Variants in PARD3 observed in about 807,000 individuals in gnomAD.
PARD3 encodes partitioning defective 3 homolog.
PARD3 carries 75 observed loss-of-function variants against 155.4 expected under a neutral mutation model. The observed-to-expected ratio is 0.48, with a 90% CI of 0.40 to 0.58. The LOEUF (loss-of-function observed/expected upper bound fraction) is 0.58. Ranked by LOEUF, PARD3 falls within the 20% of genes least tolerant of loss-of-function variation. The pLI is 0.00. For missense variants in PARD3, 1,642 were observed against 1,721.7 expected, an observed-to-expected ratio of 0.95 and a Z score of 0.82; for synonymous variants, 576 against 610.5, an observed-to-expected ratio of 0.94 and a Z score of 0.83.
chr10:34,453,935 T>C (rs1589634156), intron 4 of PARD3, among the ~76,000 whole-genome samples: 1 of 152,230 alleles, frequency 6.6e-6, no homozygotes, highest in African/African-American at 2.4e-5. Flanking sequence ...TTTGAGTTCA[T>C]GGATAATAAA....
chr10:34,452,604 A>T lies in PARD3; in HGVS notation c.583-2156T>A, dbSNP rs1289283365. Reference sequence around the variant, plus strand: ...TACCCACCCCTCTGCTCCTTCCTGAATCTATGCCATTTTTCCTCTTCCCGT... The same window carrying T: ...TACCCACCCCTCTGCTCCTTCCTGATTCTATGCCATTTTTCCTCTTCCCGT... On this transcript the variant is annotated intron_variant, in intron 4 of 24. Coordinates refer to ENST00000374788, the MANE Select transcript of PARD3 (RefSeq NM_001184785.2). 2.6e-5 allele frequency among the ~76,000 whole-genome samples: 4 copies of T among 151,988 alleles called. No homozygotes were observed. In the East Asian group the frequency reaches 7.7e-4, roughly 29 times the overall value.
chr10:34,701,805 G>A (rs1450313322), intron 1 of PARD3, among the ~76,000 whole-genome samples: 1 of 152,156 alleles, frequency 6.6e-6, no homozygotes, highest in African/African-American at 2.4e-5. Flanking sequence ...GGGAGGCTAA[G>A]GTGGAGGATC....
At chr10:34,454,805 C>T (rs368068260) in intron 4 of PARD3, among the ~76,000 whole-genome samples, 23 of 152,148 alleles carry the variant, frequency 1.5e-4, no homozygotes, top group African/African-American at 4.1e-4. Flanking sequence ...ACTGCCACAG[C>T]ATCAGGTGTC....
intron 5 of PARD3, among the ~76,000 whole-genome samples, chr10:34,428,012 C>G (rs191782134): frequency 6.6e-6 from 1 of 151,946 alleles, no homozygotes; most frequent in Non-Finnish European, 1.5e-5. Flanking sequence ...GAGAGAAGGC[C>G]GGTAGACCAA....
intron 1 of PARD3, among the ~76,000 whole-genome samples, chr10:34,706,450 T>C (rs376453728): frequency 1.3e-5 from 2 of 152,112 alleles, no homozygotes; most frequent in South Asian, 2.1e-4. Context: ...ATACAGTACA[T>C]AAAGAGAAGA....
At chr10:34,511,803 G>A (rs1433792231) in intron 3 of PARD3, among the ~76,000 whole-genome samples, 1 of 152,016 alleles carries the variant, frequency 6.6e-6, no homozygotes, top group East Asian at 1.9e-4. Context: ...ACAGTTCACT[G>A]TAACCTTGAT....
intron 1 of PARD3, among the ~76,000 whole-genome samples, chr10:34,717,905 G>A (rs969874820): frequency 2.0e-5 from 3 of 152,192 alleles, no homozygotes; most frequent in African/African-American, 7.2e-5. Context: ...TGTAATCCCA[G>A]CACTCTGGGA....
chr10:34,704,971 C>A (rs979702900), intron 1 of PARD3, among the ~76,000 whole-genome samples: 1 of 152,080 alleles, frequency 6.6e-6, no homozygotes, highest in African/African-American at 2.4e-5. Flanking sequence ...AAAAAGTCAA[C>A]AAAAGAGCAC....
chr10:34,509,803 A>AC (rs1224748901), intron 3 of PARD3, among the ~76,000 whole-genome samples: 4 of 151,890 alleles, frequency 2.6e-5, no homozygotes, highest in African/African-American at 7.3e-5. Flanking sequence ...CAAAACAACA[A>AC]AAAAAAAGCA....
chr10:34,373,868 A>G (rs114337139), intron 11 of PARD3, among the ~76,000 whole-genome samples: 3,204 of 152,010 alleles, frequency 0.021, 99 homozygotes, highest in African/African-American at 0.074. Context: ...TATAGAGAAT[A>G]AAATATAGTT....
chr10:34,519,222 A>T (rs975962632), intron 2 of PARD3, among the ~76,000 whole-genome samples: 9 of 152,170 alleles, frequency 5.9e-5, no homozygotes, highest in African/African-American at 1.9e-4. Context: ...AAAGGGCATT[A>T]GTGAAAAAAT....
chr10:34,804,770 AC>A (rs1843161539), intron 1 of PARD3, among the ~76,000 whole-genome samples: 1 of 152,196 alleles, frequency 6.6e-6, no homozygotes, highest in Admixed American at 6.5e-5. Flanking sequence ...AGACATAAAA[AC>A]TTTTTTCCAA....
At chr10:34,286,072 A>G (rs987802116) in intron 20 of PARD3, among the ~76,000 whole-genome samples, 5 of 152,236 alleles carry the variant, frequency 3.3e-5, no homozygotes, top group Admixed American at 3.3e-4. Context: ...ACAAAACATT[A>G]AAAATAAAAG....
chr10:34,301,115 A>G (rs183329517), intron 20 of PARD3, among the ~76,000 whole-genome samples: 4 of 152,220 alleles, frequency 2.6e-5, no homozygotes, highest in Non-Finnish European at 4.4e-5. Context: ...GTGCCACGAA[A>G]AAAGCTCTGC....
intron 22 of PARD3, among the ~76,000 whole-genome samples, chr10:34,163,624 T>C (rs1660621): frequency 0.62 from 94,999 of 152,064 alleles, 30,981 homozygotes; most frequent in African/African-American, 0.82. Context: ...GCCTTGTGGG[T>C]CAGTCTGTTG....
intron 1 of PARD3, among the ~76,000 whole-genome samples, chr10:34,803,466 C>T (rs779507077): frequency 6.6e-6 from 1 of 152,006 alleles, no homozygotes; most frequent in Non-Finnish European, 1.5e-5. Flanking sequence ...AGTCTTAAAA[C>T]GTAAAAGACA....
intron 4 of PARD3, among the ~76,000 whole-genome samples, chr10:34,466,365 C>T (rs1167268126): frequency 1.3e-5 from 2 of 152,136 alleles, no homozygotes; most frequent in Non-Finnish European, 2.9e-5. Flanking sequence ...AAGACTCCAC[C>T]TCTCGTTTGT....
intron 2 of PARD3, among the ~76,000 whole-genome samples, chr10:34,545,686 C>G (rs934419362): frequency 6.6e-6 from 1 of 152,126 alleles, no homozygotes; most frequent in African/African-American, 2.4e-5. Context: ...TCTAGAGTAA[C>G]TGGGATTACA....
At chr10:34,252,714 GTA>G (rs1479133650) in intron 22 of PARD3, among the ~76,000 whole-genome samples, 6 of 151,708 alleles carry the variant, frequency 4.0e-5, no homozygotes, top group Non-Finnish European at 1.5e-5. Context: ...TTATGTGTGT[GTA>G]TATATATAAC....
Sources: allele counts gnomAD v4.1 joint callset (sites outside exome capture counted in the v4.1 genomes callset), GRCh38; gene constraint gnomAD v4.1.1; transcripts MANE v1.5; gene names NCBI Gene and HGNC (gene_info 2026-07-23, HGNC 2026-07-21).